The following UST variants were observed in gnomAD, a reference collection of about 807,000 sequenced individuals.
UST encodes the protein uronyl 2-sulfotransferase, also known as chondroitin sulfate 2-O-sulfotransferase.
Under a neutral mutation model 45.6 loss-of-function variants are expected in UST, and 21 were observed. The observed-to-expected ratio is 0.46, with a 90% CI of 0.33 to 0.66. UST has a LOEUF of 0.66. Among genes scored for constraint, UST ranks in the 30% least tolerant of loss-of-function variants. The probability of loss-of-function intolerance (pLI) is 0.02; values close to 1 mark genes in which losing one functional copy is unlikely to be tolerated. For missense variants in UST, 463 were observed against 512.4 expected, an observed-to-expected ratio of 0.90 and a Z score of 0.93; for synonymous variants, 215 against 200.6, an observed-to-expected ratio of 1.07 and a Z score of -0.61.
chr6:148,969,216 G>A (rs2114965514), intron 5 of UST, among the ~76,000 whole-genome samples: 1 of 152,342 alleles, frequency 6.6e-6, no homozygotes, highest in East Asian at 1.9e-4. Flanking sequence ...AGAAACCTCA[G>A]GCATTGCCTC....
chr6:148,955,574 G>A (rs534533126), intron 4 of UST: 1 of 152,316 alleles, frequency 6.6e-6, no homozygotes, highest in East Asian at 1.9e-4. Context: ...GCTTGTTACT[G>A]GATTATCCAG....
rs1164895344 is a variant in UST at position 148,747,602 on chromosome 6, T to C, written c.172T>C (p.Phe58Leu). Residue 58 changes from phenylalanine (F) to leucine (L), a missense_variant, in exon 1 of 8, where the codon TTC (phenylalanine) becomes CTC (leucine). By Grantham distance (22) the Phe-to-Leu change is conservative. Transcript: ENST00000367463. ...CTTCTGCATGGCCACCCTGCTGGTC[T>C]TCTGCCTGGGCTCCCTCCTCTATCA... ...YGFCMATLLV[F>L]CLGSLLYQLS... 1 of 1,600,736 alleles carries C rather than the reference T, an allele frequency of 6.2e-7. No homozygotes were observed. The highest frequency in any genetic ancestry group is 8.5e-7 in the Non-Finnish European group (1 of 1,174,898).
chr6:149,034,482 C>T (rs1776199626), intron 7 of UST, among the ~76,000 whole-genome samples: 1 of 149,974 alleles, frequency 6.7e-6, no homozygotes, highest in Admixed American at 6.6e-5. Context: ...AGGCCCTCTC[C>T]TCTTTCCACC....
chr6:149,000,821 A>G (rs1051578367), intron 5 of UST, among the ~76,000 whole-genome samples: 4 of 152,250 alleles, frequency 2.6e-5, no homozygotes, highest in African/African-American at 9.6e-5. Flanking sequence ...GTAAAAATTT[A>G]ATAGATAAGT....
intron 2 of UST, among the ~76,000 whole-genome samples, chr6:148,891,784 T>A (rs1021518845): frequency 6.6e-6 from 1 of 152,216 alleles, no homozygotes; most frequent in Non-Finnish European, 1.5e-5. Flanking sequence ...CAGAAAAAAA[T>A]AGTCATCACC....
intron 2 of UST, among the ~76,000 whole-genome samples, chr6:148,915,426 A>C (rs1197060307): frequency 6.6e-6 from 1 of 152,056 alleles, no homozygotes; most frequent in Non-Finnish European, 1.5e-5. Flanking sequence ...GGTAACATAA[A>C]TGGAGATAAG....
At chr6:149,030,824 A>G (rs1330652611) in intron 7 of UST, among the ~76,000 whole-genome samples, 1 of 152,154 alleles carries the variant, frequency 6.6e-6, no homozygotes, top group African/African-American at 2.4e-5. Flanking sequence ...AATTTTGAGA[A>G]TAGATCTGTT....
chr6:148,779,738 T>C (rs1462075184), intron 1 of UST, among the ~76,000 whole-genome samples: 1 of 152,196 alleles, frequency 6.6e-6, no homozygotes, highest in African/African-American at 2.4e-5. Context: ...TCAAATAAGT[T>C]TACAGAATAG....
At chr6:148,758,481 G>T (rs1489109761) in intron 1 of UST, among the ~76,000 whole-genome samples, 1 of 152,152 alleles carries the variant, frequency 6.6e-6, no homozygotes, top group African/African-American at 2.4e-5. Context: ...GCTGTTCTAG[G>T]ATTGCACTAG....
chr6:149,073,700 C>T (rs1274171399), intron 7 of UST, 133 bp from the exon 8 acceptor site: 1 of 1,030,694 alleles, frequency 9.7e-7, no homozygotes, highest in Non-Finnish European at 1.4e-6. Flanking sequence ...AACCCTTCTT[C>T]TCTTCTAATA....
chr6:148,761,699 G>A (rs1379469127), intron 1 of UST, among the ~76,000 whole-genome samples: 1 of 152,252 alleles, frequency 6.6e-6, no homozygotes, highest in East Asian at 1.9e-4. Context: ...CACCCCTGCA[G>A]CCTTGCCAGC....
At chr6:149,019,762 T>A (rs1166183913) in intron 6 of UST, among the ~76,000 whole-genome samples, 1 of 152,166 alleles carries the variant, frequency 6.6e-6, no homozygotes, top group East Asian at 1.9e-4. Context: ...CTGTCAACCT[T>A]ACTTGAAGGC....
At chr6:149,040,544 A>G (rs1423647291) in intron 7 of UST, among the ~76,000 whole-genome samples, 1 of 151,954 alleles carries the variant, frequency 6.6e-6, no homozygotes, top group African/African-American at 2.4e-5. Context: ...AATCCCAGCT[A>G]CTCGGGAGGC....
At chr6:148,929,033 T>C (rs540001310) in intron 2 of UST, among the ~76,000 whole-genome samples, 1 of 152,344 alleles carries the variant, frequency 6.6e-6, no homozygotes, top group South Asian at 2.1e-4. Flanking sequence ...TTCGCACATG[T>C]TGAGAATGTC....
At chr6:149,017,100 G>A (rs748599347) in intron 5 of UST, among the ~76,000 whole-genome samples, 6 of 152,312 alleles carry the variant, frequency 3.9e-5, no homozygotes, top group Admixed American at 6.5e-5. Context: ...AGATGCAGCC[G>A]GGCACAGTGG....
intron 1 of UST, among the ~76,000 whole-genome samples, chr6:148,799,163 T>C (rs1190212927): frequency 1.3e-5 from 2 of 152,130 alleles, no homozygotes; most frequent in African/African-American, 2.4e-5. Flanking sequence ...AGCCACCGCA[T>C]CCGGCCAGGA....
chr6:148,924,126 G>T (rs1479467999), intron 2 of UST, among the ~76,000 whole-genome samples: 1 of 152,212 alleles, frequency 6.6e-6, no homozygotes, highest in East Asian at 1.9e-4. Context: ...CTAGAAGATG[G>T]GTCAGCAAAC....
chr6:148,993,140 A>G, intron 5 of UST: 1 of 907,524 alleles, frequency 1.1e-6, no homozygotes, highest in Admixed American at 6.2e-5. Flanking sequence ...GAATGTCAGT[A>G]AGTTCGATTT....
At chr6:148,964,284 T>C in intron 4 of UST, 126 bp from the exon 5 acceptor site, 1 of 1,152,066 alleles carries the variant, frequency 8.7e-7, no homozygotes, top group Non-Finnish European at 1.2e-6. Context: ...TTACGTGTCA[T>C]TGGCACCTTA....
Sources: allele counts gnomAD v4.1 joint callset (sites outside exome capture counted in the v4.1 genomes callset), GRCh38; gene constraint gnomAD v4.1.1; transcripts MANE v1.5; gene names NCBI Gene and HGNC (gene_info 2026-07-23, HGNC 2026-07-21).